ABCA4: variants seen among roughly 807,000 people sequenced by gnomAD.
ABCA4 encodes ATP binding cassette subfamily A member 4.
In ABCA4, 196 loss-of-function variants were observed where a neutral mutation model predicts 263.7. The observed-to-expected ratio is 0.74, with a 90% CI of 0.66 to 0.84. The LOEUF is 0.84. Among genes scored for constraint, ABCA4 ranks in the 40% least tolerant of loss-of-function variants. ABCA4 has a pLI of 0.00. For synonymous variants in ABCA4, 1,133 were observed against 1,094.2 expected (o/e 1.04, Z -0.70); for missense variants, 2,792 against 2,855.1 (o/e 0.98, Z 0.50).
intron 6 of ABCA4, among the ~76,000 whole-genome samples, chr1:94,085,076 A>G (rs1661795664): frequency 6.6e-6 from 1 of 152,224 alleles, no homozygotes; most frequent in African/African-American, 2.4e-5. Context: ...GAAAGTGGAC[A>G]TGAAATGGGT....
chr1:94,050,705 G>A (rs1321895865), intron 17 of ABCA4, among the ~76,000 whole-genome samples: 1 of 151,902 alleles, frequency 6.6e-6, no homozygotes, highest in Non-Finnish European at 1.5e-5. Context: ...AGGTAGACAA[G>A]TCAATACAAT....
intron 4 of ABCA4, among the ~76,000 whole-genome samples, chr1:94,104,716 A>G (rs1285531554): frequency 6.6e-6 from 1 of 152,170 alleles, no homozygotes; most frequent in Admixed American, 6.5e-5. Context: ...GGAAAGATCC[A>G]AGGACTTTGG....
chr1:94,094,422 G>A (rs1403689107), intron 6 of ABCA4, among the ~76,000 whole-genome samples: 1 of 152,168 alleles, frequency 6.6e-6, no homozygotes, highest in African/African-American at 2.4e-5. Flanking sequence ...AAGAGACACG[G>A]ATAAAATGCA....
chr1:94,053,842 C>T (rs1379377874), intron 16 of ABCA4, among the ~76,000 whole-genome samples: 2 of 152,238 alleles, frequency 1.3e-5, no homozygotes, highest in African/African-American at 4.8e-5. Flanking sequence ...AAACCCAGGC[C>T]TCCTGACCCA....
intron 26 of ABCA4, among the ~76,000 whole-genome samples, chr1:94,032,661 C>G (rs1660237708): frequency 6.6e-6 from 1 of 152,094 alleles, no homozygotes; most frequent in African/African-American, 2.4e-5. Context: ...ACCAAACAAA[C>G]AAACAAAAAA....
intron 13 of ABCA4, chr1:94,061,562 G>A (rs918847989): frequency 2.0e-5 from 3 of 152,682 alleles, no homozygotes; most frequent in Non-Finnish European, 2.9e-5. Flanking sequence ...TGGCCCTAGG[G>A]AGAGAAGCAT....
At chr1:94,013,861 G>T (rs183194094) in intron 38 of ABCA4, among the ~76,000 whole-genome samples, 59 of 152,292 alleles carry the variant, frequency 3.9e-4, no homozygotes, top group African/African-American at 1.3e-3. Context: ...ACCGTATAGG[G>T]ATCTGCTGAT....
intron 1 of ABCA4, among the ~76,000 whole-genome samples, chr1:94,116,968 C>CTTTCTTTTTCTTTCTTTCTTTCTT (rs764312285): frequency 2.0e-5 from 2 of 99,940 alleles, no homozygotes; most frequent in African/African-American, 8.1e-5. Context: ...TTCTTTCTTT[C>CTTTCTTTTTCTTTCTTTCTTTCTT]TCTTTCTTTC....
intron 18 of ABCA4, among the ~76,000 whole-genome samples, chr1:94,047,813 C>T (rs1660728457): frequency 6.6e-6 from 1 of 152,210 alleles, no homozygotes; most frequent in Non-Finnish European, 1.5e-5. Flanking sequence ...CTCCCATGCC[C>T]CCTCCAGTGC....
At chr1:94,015,553 G>A (rs1243563954) in intron 37 of ABCA4, among the ~76,000 whole-genome samples, 186 bp downstream of exon 37, 1 of 152,184 alleles carries the variant, frequency 6.6e-6, no homozygotes, top group Non-Finnish European at 1.5e-5. Context: ...ACCTCTGTCA[G>A]TGGAGTCAGA....
intron 48 of ABCA4, among the ~76,000 whole-genome samples, chr1:93,996,967 C>G (rs1659022834): frequency 6.6e-6 from 1 of 152,074 alleles, no homozygotes; most frequent in African/African-American, 2.4e-5. Flanking sequence ...GAAAGTAGAA[C>G]AGTAGTTGCC....
At position 94,077,846 on chromosome 1, in the gene ABCA4, C is replaced by A. The variant is rs747255603; in HGVS notation, c.1398G>T (p.Arg466Ser). 5.0e-6 allele frequency: 8 copies of A among 1,614,092 alleles called. No individual in the cohort carries two copies. Among genetic ancestry groups the A allele is most frequent in the Non-Finnish European group, 5.9e-6 (7 of 1,180,038 alleles). ...CAGTAATACCTTCTTCACCAAGCTG[C>A]CTATTCAAAAAGTCTTTTACTGTTG... The part of the protein sequence containing the change: ...GNPTVKDFLN[R>S]QLGEEGITAE... The change falls in exon 11 of 50, where the codon AGG (arginine) becomes AGT (serine). Residue 466 changes from arginine (R) to serine (S), a missense_variant. Transcript: ENST00000370225.
chr1:94,015,770 G>A lies in ABCA4; in HGVS notation c.5281C>T (p.Pro1761Ser), dbSNP rs1454355504. ...KKAYTSPENL[P>S]ALVALLLLYG... Reference sequence around the variant, plus strand: ...AGCAGGAGCAGTGCCACAAGGGCAGGAAGGTTTTCTGGAGAAGTGTAGGCT... The same window carrying A: ...AGCAGGAGCAGTGCCACAAGGGCAGAAAGGTTTTCTGGAGAAGTGTAGGCT... The change falls in exon 37 of 50, where the codon CCT (proline) becomes TCT (serine). Residue 1761 changes from proline to serine, a missense_variant. Physicochemically the swap from Pro to Ser is moderately conservative, Grantham distance 74. Coordinates refer to ENST00000370225, the MANE Select transcript of ABCA4 (RefSeq NM_000350.3). 1 of 1,614,016 alleles carries A rather than the reference G, an allele frequency of 6.2e-7. No individual in the cohort carries two copies. The highest frequency in any genetic ancestry group is 1.7e-5 in the Admixed American group (1 of 60,020).
intron 1 of ABCA4, among the ~76,000 whole-genome samples, chr1:94,117,272 T>C (rs1465928781): frequency 6.6e-6 from 1 of 152,128 alleles, no homozygotes; most frequent in Non-Finnish European, 1.5e-5. Flanking sequence ...TTCTTCCTTC[T>C]GCACTGAGAA....
At chr1:94,042,938 G>A (rs1479371567) in intron 21 of ABCA4, 40 bp from the exon 22 acceptor site, 2 of 1,613,960 alleles carry the variant, frequency 1.2e-6, no homozygotes, top group Non-Finnish European at 1.7e-6. Context: ...AGGGGCTGTG[G>A]AGGGTGAGGA....
At chr1:94,094,764 G>A (rs1662076489) in intron 6 of ABCA4, among the ~76,000 whole-genome samples, 1 of 152,206 alleles carries the variant, frequency 6.6e-6, no homozygotes, top group Admixed American at 6.5e-5. Context: ...GGGGAAGAGG[G>A]GGAGGAGGAG....
At chr1:94,082,482 A>G (rs1484215466) in intron 7 of ABCA4, among the ~76,000 whole-genome samples, 5 of 152,234 alleles carry the variant, frequency 3.3e-5, no homozygotes, top group African/African-American at 1.2e-4. Flanking sequence ...ACTGTTTAAC[A>G]GAGACTCCCA....
intron 18 of ABCA4, among the ~76,000 whole-genome samples, chr1:94,047,839 G>A (rs1570379029): frequency 6.6e-6 from 1 of 152,210 alleles, no homozygotes; most frequent in East Asian, 1.9e-4. Flanking sequence ...CTCACCGAGT[G>A]CTCTCACTTC....
In ABCA4 at chr1:93,997,711, C is replaced by CTGA. The variant is rs1356021616; in HGVS notation, c.6729+147_6729+149dup. On this transcript the variant is annotated intron_variant, in intron 48 of 49. Coordinates refer to ENST00000370225, the MANE Select transcript of ABCA4 (RefSeq NM_000350.3). Reference sequence around the variant, plus strand: ...AAAAAATATTGTTAGAAAACAATTTCTGATATATCAGCTTTTACCCCAATA... The same window carrying CTGA: ...AAAAAATATTGTTAGAAAACAATTTCTGATGATATATCAGCTTTTACCCCAATA... 7.0e-6 allele frequency: 7 copies of CTGA among 993,968 alleles called. No individual in the cohort carries two copies. The African/African-American group carries it at 1.2e-4, about 16-fold the overall frequency. The allele number at this position is 993,968 out of a possible 1,614,324, so 61.6% of individuals were successfully genotyped here. A position where few individuals can be genotyped will look rare whatever the true frequency, so the allele number is the denominator to read the frequency against.
Sources: allele counts gnomAD v4.1 joint callset (sites outside exome capture counted in the v4.1 genomes callset), GRCh38; gene constraint gnomAD v4.1.1; transcripts MANE v1.5; gene names NCBI Gene and HGNC (gene_info 2026-07-23, HGNC 2026-07-21).